Variants in SLC19A1 observed in about 807,000 individuals in gnomAD.
SLC19A1 encodes the protein solute carrier family 19 member 1, also known as reduced folate transporter.
Under a neutral mutation model 35.3 loss-of-function variants are expected in SLC19A1, and 37 were observed. The ratio of observed to expected loss-of-function variants is 1.05; its 90% CI spans 0.81 to 1.38. The LOEUF is 1.38. Ranked by LOEUF, SLC19A1 falls within the 40% of genes most tolerant of loss-of-function variation. The pLI is 0.00. For missense variants in SLC19A1, 831 were observed against 826.9 expected (o/e 1.00, Z -0.06); for synonymous variants, 460 against 398.5 (o/e 1.15, Z -1.84).
downstream of SLC19A1, chr21:45,510,307 T>G (rs1045783523): frequency 6.5e-7 from 1 of 1,549,690 alleles, no homozygotes; most frequent in African/African-American, 1.4e-5. Context: ...GGCCCCCACT[T>G]GACCTCTGGG....
At chr21:45,507,490 T>C (rs2146102289) in intron 3 of SLC19A1, 1 of 466,256 alleles carries the variant, frequency 2.1e-6, no homozygotes, top group Non-Finnish European at 2.8e-6. Context: ...GAGAGTCGGG[T>C]GCTGGGCAGG....
At chr21:45,548,189 T>G (rs1407286639), upstream of SLC19A1, among the ~76,000 whole-genome samples, 1 of 152,206 alleles carries the variant, frequency 6.6e-6, no homozygotes, top group Non-Finnish European at 1.5e-5. Flanking sequence ...CTAGATCACA[T>G]AGTTCAAGAA....
chr21:45,556,645 A>C (rs1318696698), intron 1 of SLC19A1, among the ~76,000 whole-genome samples: 1 of 152,248 alleles, frequency 6.6e-6, no homozygotes, highest in Non-Finnish European at 1.5e-5. Flanking sequence ...CAGCCATAGC[A>C]CCAGGAGACA....
chr21:45,562,822 G>A (rs142880887), exon 1 of SLC19A1, among the ~76,000 whole-genome samples: 86 of 152,066 alleles, frequency 5.7e-4, no homozygotes, highest in African/African-American at 1.8e-3. Context: ...CTGAATTTAC[G>A]GTAGATTCCA....
chr21:45,509,442 C>T (rs781100621), downstream of SLC19A1: 45 of 1,534,156 alleles, frequency 2.9e-5, no homozygotes, highest in African/African-American at 8.2e-5. Flanking sequence ...CCCACCCCAC[C>T]GCGCGGCCCT....
chr21:45,543,050 G>C (rs1180668416), upstream of SLC19A1, among the ~76,000 whole-genome samples: 9 of 152,104 alleles, frequency 5.9e-5, no homozygotes, highest in Non-Finnish European at 1.3e-4. Flanking sequence ...ACCGTGACCC[G>C]TACGGGCTTG....
intron 2 of SLC19A1, among the ~76,000 whole-genome samples, chr21:45,532,540 TCTC>T (rs1214355713): frequency 2.0e-5 from 3 of 152,162 alleles, no homozygotes; most frequent in African/African-American, 7.2e-5. Flanking sequence ...TTCAAGCAGT[TCTC>T]CTGCCTCAGC....
rs926219780 is a variant in SLC19A1 at position 45,513,951 on chromosome 21, G to C, written c.*1707C>G. 1.3e-5 allele frequency: 2 copies of C among 152,266 alleles called. No individual in the cohort carries two copies. Among genetic ancestry groups the C allele is most frequent in the African/African-American group, 4.8e-5 (2 of 41,432 alleles). 9.4% of individuals were successfully genotyped at this position (152,266 alleles called of 1,614,324 possible). On this transcript the variant is annotated 3_prime_UTR_variant, in exon 6 of 6. Transcript: ENST00000311124. ...GTACACAGGCATGCACGGGTGTGTG[G>C]ACACACACCAACACTCTTAGGTCTC...
At chr21:45,556,922 C>T (rs532511699) in intron 1 of SLC19A1, among the ~76,000 whole-genome samples, 4 of 152,218 alleles carry the variant, frequency 2.6e-5, no homozygotes, top group South Asian at 2.1e-4. Flanking sequence ...TCACCTGGGA[C>T]GGCACCTCAG....
Position 45,512,834 on chromosome 21 carries a change from G to A in SLC19A1, c.*2824C>T, listed in dbSNP as rs903897047. 1 of 287,294 alleles carries A rather than the reference G, an allele frequency of 3.5e-6. No individual in the cohort carries two copies. The highest frequency in any genetic ancestry group is 5.0e-5 in the Admixed American group (1 of 20,078). The allele number at this position is 287,294 out of a possible 1,614,324, so 17.8% of individuals were successfully genotyped here. On this transcript the variant is annotated 3_prime_UTR_variant, in exon 6 of 6. Transcript: ENST00000311124. ...CCTGTTAGCAGACAGGCCCCGTGAG[G>A]CAATGGGAGCTGAGGCCACACTCAG...
chr21:45,531,931 T>G lies in SLC19A1; in HGVS notation c.407A>C (p.Tyr136Ser). The G allele has an allele frequency of 6.2e-7, 1 of 1,600,386 alleles. No homozygotes were observed. Among genetic ancestry groups the G allele is most frequent in the Non-Finnish European group, 8.5e-7 (1 of 1,174,236 alleles). The change falls in exon 3 of 6, where the codon TAT becomes TCT. Residue 136 changes from tyrosine (Y) to serine (S), a missense_variant. By Grantham distance (144) the Tyr-to-Ser change is moderately radical. Transcript: ENST00000311124. ...YSVTMAARIA[Y>S]SSYIFSLVRP... ...CACGAGAGAGAAGATGTAGGAGGAATAGGCGATGCGCGCGGCCATGGTGAC... is the reference window on the plus strand; with the variant it reads ...CACGAGAGAGAAGATGTAGGAGGAAGAGGCGATGCGCGCGGCCATGGTGAC...
At chr21:45,505,080 C>T (rs941879477) in intron 3 of SLC19A1, 10 of 1,585,708 alleles carry the variant, frequency 6.3e-6, no homozygotes, top group Admixed American at 1.7e-5. Flanking sequence ...AGCTTGCCCG[C>T]CCCCAGTCCA....
At chr21:45,527,970 A>G (rs868340027) in intron 4 of SLC19A1, among the ~76,000 whole-genome samples, 38 of 152,064 alleles carry the variant, frequency 2.5e-4, no homozygotes, top group African/African-American at 9.2e-4. Flanking sequence ...AACTGGACAA[A>G]AAATGTCCTA....
chr21:45,533,998 GC>G lies in SLC19A1; in HGVS notation c.190-1851del, dbSNP rs1393036546. 6.6e-6 allele frequency among the ~76,000 whole-genome samples: 1 copy of G among 152,028 alleles called. No individual in the cohort carries two copies. The highest frequency in any genetic ancestry group is 2.4e-5 in the African/African-American group (1 of 41,406). On this transcript the variant is annotated intron_variant, in intron 2 of 5. Transcript: ENST00000311124. The surrounding 1 kb of genome is among the most constrained non-coding windows in gnomAD (Gnocchi z 4.5). ...GGGCACCCTGAGGTCGCACCCTGGA[GC>G]CTGCACCCTCATGGAGGCCAGGCTG... is the stretch of plus-strand genomic sequence containing the variant.
rs1353584725 is a variant in SLC19A1 at position 45,525,947 on chromosome 21, G to A, written c.1163C>T (p.Ala388Val). ...ACAGAGCTCTTTAGACAGAGAAGATGCAATCTGAAAGCTGAACGGGAAGAG... is the reference window on the plus strand; with the variant it reads ...ACAGAGCTCTTTAGACAGAGAAGATACAATCTGAAAGCTGAACGGGAAGAG... ...FLVPIATFQI[A>V]SSLSKELCAL... Residue 388 changes from alanine (A) to valine (V), a missense_variant, in exon 5 of 6, where the codon GCA becomes GTA. Ala to Val is a moderately conservative substitution (Grantham distance 64). Coordinates refer to ENST00000311124, the MANE Select transcript of SLC19A1 (RefSeq NM_194255.4). 2 of 1,613,312 alleles carry A rather than the reference G, an allele frequency of 1.2e-6. No individual in the cohort carries two copies. The highest frequency in any genetic ancestry group is 1.7e-5 in the Admixed American group (1 of 60,026).
upstream of SLC19A1, among the ~76,000 whole-genome samples, chr21:45,542,819 C>G (rs902932490): frequency 6.6e-6 from 1 of 151,790 alleles, no homozygotes; most frequent in African/African-American, 2.4e-5. Context: ...CTGACCCCCC[C>G]TCCTCGACGA....
intron 1 of SLC19A1, among the ~76,000 whole-genome samples, chr21:45,550,551 G>A (rs2078455122): frequency 6.6e-6 from 1 of 152,210 alleles, no homozygotes; most frequent in African/African-American, 2.4e-5. Flanking sequence ...TGGGCAGGAT[G>A]GAGCTCAGTT....
chr21:45,509,983 C>T (rs373840442), downstream of SLC19A1: 1,820 of 1,467,296 alleles, frequency 1.2e-3, 26 homozygotes, highest in African/African-American at 0.022. Context: ...CACACAGGTG[C>T]GGGGCCGGGG....
intron 1 of SLC19A1, among the ~76,000 whole-genome samples, chr21:45,552,203 C>G (rs1007380556): frequency 2.0e-5 from 3 of 152,322 alleles, no homozygotes; most frequent in East Asian, 3.9e-4. Flanking sequence ...CCAGAGAGAT[C>G]TGCGATGGGC....
Sources: allele counts gnomAD v4.1 joint callset (sites outside exome capture counted in the v4.1 genomes callset), GRCh38; gene constraint gnomAD v4.1.1; non-coding constraint Gnocchi (gnomAD v3.1); transcripts MANE v1.5; gene names NCBI Gene and HGNC (gene_info 2026-07-23, HGNC 2026-07-21).